The following KCNU1 variants were observed in gnomAD, a reference collection of about 807,000 sequenced individuals.
The protein encoded by KCNU1 is potassium channel subfamily U member 1.
KCNU1 carries 93 observed loss-of-function variants against 126.8 expected under a neutral mutation model. That is an observed-to-expected ratio of 0.73 (90% CI 0.62 to 0.87). The LOEUF is 0.87. Ranked by LOEUF, KCNU1 falls within the 40% of genes least tolerant of loss-of-function variation. The pLI is 0.00. For missense variants in KCNU1, 1,330 were observed against 1,367.1 expected (o/e 0.97, Z 0.43); for synonymous variants, 523 against 494.2 (o/e 1.06, Z -0.77).
intron 18 of KCNU1, among the ~76,000 whole-genome samples, chr8:36,859,665 G>A (rs902129317): frequency 3.9e-5 from 6 of 152,058 alleles, no homozygotes; most frequent in Admixed American, 3.9e-4. Context: ...AACCACACTA[G>A]AGGTTCTCCA....
intron 18 of KCNU1, among the ~76,000 whole-genome samples, chr8:36,854,510 T>C (rs1585464807): frequency 6.6e-6 from 1 of 150,834 alleles, no homozygotes; most frequent in South Asian, 2.1e-4. Context: ...TGATCTTTAG[T>C]TCCTCTTGTA....
At chr8:36,898,981 T>G (rs751258072) in intron 19 of KCNU1, among the ~76,000 whole-genome samples, 9 of 152,044 alleles carry the variant, frequency 5.9e-5, no homozygotes, top group Admixed American at 1.3e-4. Context: ...GCAATTTCCA[T>G]GAAATATAAA....
intron 2 of KCNU1, among the ~76,000 whole-genome samples, chr8:36,787,985 T>C (rs1335149668): frequency 6.6e-6 from 1 of 151,906 alleles, no homozygotes; most frequent in Non-Finnish European, 1.5e-5. Context: ...GTTCTCCTTA[T>C]ATATGCAGAT....
intron 18 of KCNU1, among the ~76,000 whole-genome samples, chr8:36,862,242 A>G (rs1281975792): frequency 6.6e-6 from 1 of 152,218 alleles, no homozygotes; most frequent in African/African-American, 2.4e-5. Context: ...ATGATCAAAC[A>G]GAATGAGATC....
chr8:36,872,017 A>G (rs1300966409), intron 19 of KCNU1, among the ~76,000 whole-genome samples: 1 of 152,134 alleles, frequency 6.6e-6, no homozygotes, highest in Admixed American at 6.6e-5. Flanking sequence ...CATGACTTGC[A>G]TAGTTTCCAA....
At chr8:36,930,915 T>C in intron 24 of KCNU1, 36 bp from the exon 25 acceptor site, 1 of 1,525,062 alleles carries the variant, frequency 6.6e-7, no homozygotes, top group Non-Finnish European at 8.9e-7. Context: ...ATATTGGCTC[T>C]TCTGACTTTG....
At chr8:36,797,637 T>C (rs998669526) in intron 2 of KCNU1, among the ~76,000 whole-genome samples, 1 of 151,316 alleles carries the variant, frequency 6.6e-6, no homozygotes. Context: ...GTTTCTTCTT[T>C]TTTTTTTTTT....
chr8:36,814,922 C>T (rs569945769), intron 8 of KCNU1, among the ~76,000 whole-genome samples: 7 of 152,308 alleles, frequency 4.6e-5, no homozygotes, highest in South Asian at 2.1e-4. Flanking sequence ...TACCCATCCA[C>T]GGTCTCACAT....
intron 19 of KCNU1, among the ~76,000 whole-genome samples, chr8:36,882,643 G>A (rs563400955): frequency 7.2e-5 from 11 of 152,066 alleles, no homozygotes; most frequent in African/African-American, 2.7e-4. Flanking sequence ...GAGTACAGTG[G>A]CACGATCTTG....
At chr8:36,862,040 C>T (rs1278009723) in intron 18 of KCNU1, among the ~76,000 whole-genome samples, 1 of 151,996 alleles carries the variant, frequency 6.6e-6, no homozygotes, top group Non-Finnish European at 1.5e-5. Context: ...AGTGCTTTAT[C>T]TAGAAATCTG....
At chr8:36,847,314 G>GT (rs1288839490) in intron 18 of KCNU1, among the ~76,000 whole-genome samples, 1 of 152,040 alleles carries the variant, frequency 6.6e-6, no homozygotes, top group Non-Finnish European at 1.5e-5. Context: ...TCAAATCGGG[G>GT]TAATTAGCAT....
chr8:36,926,563 C>A (rs1196163326), intron 24 of KCNU1, among the ~76,000 whole-genome samples: 1 of 152,132 alleles, frequency 6.6e-6, no homozygotes, highest in Non-Finnish European at 1.5e-5. Flanking sequence ...GGATGAAGGA[C>A]CAACAGAGAG....
chr8:36,931,206 A>G, intron 25 of KCNU1, 61 bp downstream of exon 25: 1 of 1,281,906 alleles, frequency 7.8e-7, no homozygotes, highest in Non-Finnish European at 1.1e-6. Flanking sequence ...GCTTCTGAAA[A>G]TGGTCCAGGC....
At chr8:36,895,129 G>T (rs1259433162) in intron 19 of KCNU1, among the ~76,000 whole-genome samples, 1 of 151,544 alleles carries the variant, frequency 6.6e-6, no homozygotes, top group Non-Finnish European at 1.5e-5. Flanking sequence ...CTGTCACCCA[G>T]ACAGAGTGGG....
chr8:36,806,244 G>A, intron 4 of KCNU1, 25 bp from the exon 5 acceptor site: 1 of 1,447,430 alleles, frequency 6.9e-7, no homozygotes, highest in Admixed American at 1.8e-5. Flanking sequence ...AACAGAATTT[G>A]TGTTATTCTG....
At chr8:36,824,970 C>A (rs2130507297) in intron 10 of KCNU1, among the ~76,000 whole-genome samples, 1 of 151,982 alleles carries the variant, frequency 6.6e-6, no homozygotes, top group Non-Finnish European at 1.5e-5. Context: ...ATCTTGGTAC[C>A]CAAAAATATA....
At chr8:36,932,034 A>T (rs1808717273) in intron 25 of KCNU1, among the ~76,000 whole-genome samples, 1 of 152,080 alleles carries the variant, frequency 6.6e-6, no homozygotes, top group Non-Finnish European at 1.5e-5. Context: ...TTCCAAGGAA[A>T]CATCTCTTGT....
chr8:36,893,145 T>TC (rs1491389507), intron 19 of KCNU1, among the ~76,000 whole-genome samples: 8 of 53,562 alleles, frequency 1.5e-4, no homozygotes, highest in Non-Finnish European at 3.2e-4. Context: ...TTTTTTTTTG[T>TC]TTTTTTTTTG....
chr8:36,852,496 C>T (rs1805386314), intron 18 of KCNU1, among the ~76,000 whole-genome samples: 1 of 152,048 alleles, frequency 6.6e-6, no homozygotes. Flanking sequence ...CAATCAGGGC[C>T]TAACTTAACA....
Sources: allele counts gnomAD v4.1 joint callset (sites outside exome capture counted in the v4.1 genomes callset), GRCh38; gene constraint gnomAD v4.1.1; transcripts MANE v1.5; gene names NCBI Gene and HGNC (gene_info 2026-07-23, HGNC 2026-07-21).